The following TPD52L2 variants were observed in gnomAD, a reference collection of about 807,000 sequenced individuals.
TPD52L2 encodes the protein tumor protein D54.
Under a neutral mutation model 24.7 loss-of-function variants are expected in TPD52L2, and 19 were observed. That is an observed-to-expected ratio of 0.77 (90% CI 0.54 to 1.13). The LOEUF (loss-of-function observed/expected upper bound fraction) is 1.13. Among genes scored for constraint, TPD52L2 ranks in the 50% most tolerant of loss-of-function variants. The probability of loss-of-function intolerance (pLI) is 0.00; values close to 1 mark genes in which losing one functional copy is unlikely to be tolerated. For synonymous variants in TPD52L2, 104 were observed against 100.2 expected, an observed-to-expected ratio of 1.04 and a Z score of -0.23; for missense variants, 236 against 250.4, an observed-to-expected ratio of 0.94 and a Z score of 0.39.
At chr20:63,884,345 C>G (rs530635186) in intron 5 of TPD52L2, among the ~76,000 whole-genome samples, 2 of 152,306 alleles carry the variant, frequency 1.3e-5, no homozygotes, top group South Asian at 4.1e-4. Flanking sequence ...CACAGAGCAT[C>G]TTCAGGAAGT....
intron 2 of TPD52L2, 131 bp from the exon 3 acceptor site, chr20:63,873,537 C>G: frequency 1.0e-6 from 1 of 989,772 alleles, no homozygotes; most frequent in South Asian, 1.7e-5. Context: ...GCTGTAGATG[C>G]TGTTATTCCT....
chr20:63,887,719 C>G (rs931118496), intron 5 of TPD52L2: 1 of 1,123,988 alleles, frequency 8.9e-7, no homozygotes, highest in Admixed American at 1.8e-5. Context: ...ATTGAGGACT[C>G]CATTCCCTTG....
intron 3 of TPD52L2, among the ~76,000 whole-genome samples, chr20:63,874,862 G>T (rs906498491): frequency 6.6e-6 from 1 of 152,150 alleles, no homozygotes; most frequent in Non-Finnish European, 1.5e-5. Flanking sequence ...CATATGGGCC[G>T]GGCATGGTGG....
intron 1 of TPD52L2, 64 bp from the exon 2 acceptor site, chr20:63,869,232 C>G: frequency 6.3e-7 from 1 of 1,596,058 alleles, no homozygotes; most frequent in South Asian, 1.1e-5. Flanking sequence ...TGCTAGAGAC[C>G]TCTACCGTAT....
chr20:63,887,962 C>T (rs948000372), intron 5 of TPD52L2: 19 of 353,460 alleles, frequency 5.4e-5, no homozygotes, highest in African/African-American at 3.8e-4. Flanking sequence ...GGACACTTCA[C>T]GGTCTCAGCC....
chr20:63,875,999 TC>T (rs1246203634), intron 4 of TPD52L2, 124 bp downstream of exon 4: 2 of 969,946 alleles, frequency 2.1e-6, no homozygotes, highest in Non-Finnish European at 3.1e-6. Context: ...TATTTTTTCT[TC>T]CTATAACTTT....
chr20:63,885,978 C>T (rs1263358146), intron 5 of TPD52L2: 5 of 1,613,184 alleles, frequency 3.1e-6, no homozygotes, highest in South Asian at 1.1e-5. Flanking sequence ...CCCTTGCTTA[C>T]ACTTCGTTTC....
At chr20:63,868,815 G>C (rs1021813655) in intron 1 of TPD52L2, among the ~76,000 whole-genome samples, 6 of 152,152 alleles carry the variant, frequency 3.9e-5, no homozygotes, top group Non-Finnish European at 5.9e-5. Context: ...GGTGGCGTGC[G>C]CCTGTAATCC....
intron 6 of TPD52L2, 53 bp downstream of exon 6, chr20:63,889,291 C>T (rs2053247491): frequency 6.8e-7 from 1 of 1,477,388 alleles, no homozygotes; most frequent in Non-Finnish European, 9.4e-7. Flanking sequence ...CCTGTTACAG[C>T]AACTTGTTTA....
At chr20:63,873,100 A>G (rs927624847) in intron 2 of TPD52L2, among the ~76,000 whole-genome samples, 2 of 142,514 alleles carry the variant, frequency 1.4e-5, no homozygotes, top group Non-Finnish European at 3.1e-5. Flanking sequence ...CCTCATGACC[A>G]CAAATGGACA....
intron 3 of TPD52L2, among the ~76,000 whole-genome samples, chr20:63,874,775 G>A (rs1219298269): frequency 1.3e-5 from 2 of 152,176 alleles, no homozygotes; most frequent in Admixed American, 6.5e-5. Flanking sequence ...GCACTGATCA[G>A]GTCCTTGGCA....
Position 63,880,890 on chromosome 20 carries a change from C to CA in TPD52L2, c.375-1813dup, listed in dbSNP as rs60375809. Among the ~76,000 whole-genome samples, 576 of 77,186 alleles carry CA rather than the reference C, an allele frequency of 7.5e-3. 1 individual carries two copies. Among genetic ancestry groups the CA allele is most frequent in the African/African-American group, 0.011 (211 of 19,386 alleles). 50.6% of individuals were successfully genotyped at this position (77,186 alleles called of 152,430 possible). ...TGGGCTACAGAGCAAGACTCTGTCTCAAAAAAAAAAAAAAAAGAATTTGTG... is the reference window on the plus strand; with the variant it reads ...TGGGCTACAGAGCAAGACTCTGTCTCAAAAAAAAAAAAAAAAAGAATTTGTG... On this transcript the variant is annotated intron_variant, in intron 4 of 6. Transcript: ENST00000346249.
At chr20:63,879,454 G>A (rs1312967887) in intron 4 of TPD52L2, among the ~76,000 whole-genome samples, 1 of 151,094 alleles carries the variant, frequency 6.6e-6, no homozygotes, top group African/African-American at 2.4e-5. Context: ...ATCTCATTCC[G>A]ATCCTCCTTG....
At position 63,890,589 on chromosome 20, in the gene TPD52L2, A is replaced by G. The variant is rs1311953599; in HGVS notation, c.*644A>G. 2.0e-5 allele frequency: 3 copies of G among 152,946 alleles called. No homozygotes were observed. The highest frequency in any genetic ancestry group is 1.5e-5 in the Non-Finnish European group (1 of 68,186). 9.5% of individuals were successfully genotyped at this position (152,946 alleles called of 1,614,324 possible). A position where few individuals can be genotyped will look rare whatever the true frequency, so the allele number is the denominator to read the frequency against. ...CAAAGCAGCTTTAGCCTCATAGAAT[A>G]TTATTTCTTTGGACTCAAGCTGAAA... On this transcript the variant is annotated 3_prime_UTR_variant, in exon 7 of 7. Transcript: ENST00000346249.
rs577329761 is a variant in TPD52L2 at position 63,886,453 on chromosome 20, C to T, written c.477-2737C>T. Among the ~76,000 whole-genome samples the T allele has an allele frequency of 1.5e-4, 23 of 149,454 alleles. No homozygotes were observed. In the South Asian group the frequency reaches 3.5e-3, roughly 23 times the overall value. Reference sequence around the variant, plus strand: ...TCGGCTCACTGCAAGCTCCGCCTCCCGGGTTCACGCCATTCTCCTGCCTCA... The same window carrying T: ...TCGGCTCACTGCAAGCTCCGCCTCCTGGGTTCACGCCATTCTCCTGCCTCA... On this transcript the variant is annotated intron_variant, in intron 5 of 6. Transcript: ENST00000346249.
chr20:63,870,832 C>T (rs2052435846), intron 2 of TPD52L2, among the ~76,000 whole-genome samples: 1 of 151,640 alleles, frequency 6.6e-6, no homozygotes. Flanking sequence ...ATTCTCCTGC[C>T]TCAGCCTCCC....
intron 5 of TPD52L2, among the ~76,000 whole-genome samples, chr20:63,886,274 C>T (rs955003376): frequency 6.6e-5 from 10 of 152,120 alleles, no homozygotes; most frequent in African/African-American, 1.7e-4. Flanking sequence ...GTCCCCTCCT[C>T]GTGCTTCCCT....
At chr20:63,872,789 T>A (rs2052516770) in intron 2 of TPD52L2, among the ~76,000 whole-genome samples, 1 of 152,014 alleles carries the variant, frequency 6.6e-6, no homozygotes, top group African/African-American at 2.4e-5. Flanking sequence ...CCGCAAGCTC[T>A]GCCTCCTGGA....
chr20:63,878,762 G>T (rs148646789), intron 4 of TPD52L2, among the ~76,000 whole-genome samples: 14 of 152,214 alleles, frequency 9.2e-5, no homozygotes, highest in Admixed American at 8.5e-4. Context: ...GGACGAAACC[G>T]CTGTCTGTCC....
Sources: allele counts gnomAD v4.1 joint callset (sites outside exome capture counted in the v4.1 genomes callset), GRCh38; gene constraint gnomAD v4.1.1; transcripts MANE v1.5; gene names NCBI Gene and HGNC (gene_info 2026-07-23, HGNC 2026-07-21).